Variants in NAA30 observed in about 807,000 individuals in gnomAD.
NAA30 encodes the protein N-alpha-acetyltransferase 30.
Under a neutral mutation model 31.4 loss-of-function variants are expected in NAA30, and 5 were observed. The ratio of observed to expected loss-of-function variants is 0.16; its 90% confidence interval spans 0.08 to 0.33. The LOEUF is 0.33. NAA30 is among the 10% of genes least tolerant of loss of function. NAA30 has a pLI of 1.00. For missense variants in NAA30, 428 were observed against 490.8 expected, an observed-to-expected ratio of 0.87 and a Z score of 1.21; for synonymous variants, 222 against 207.1, an observed-to-expected ratio of 1.07 and a Z score of -0.62.
rs751907254 is a variant in NAA30, at chr14:57,390,588, G to A, written c.-119G>A. On this transcript the variant is annotated 5_prime_UTR_variant, in exon 1 of 5. Transcript: ENST00000556492. The stretch of plus-strand genomic sequence containing the variant: ...CGGCCTAACAGCTGAGGCGCTTTAC[G>A]GCGACGGCGGCTGAGTGAGAACCTT... The A allele has an allele frequency of 3.7e-6, 1 of 271,520 alleles. No homozygotes were observed. Among genetic ancestry groups the A allele is most frequent in the Non-Finnish European group, 6.9e-6 (1 of 145,180 alleles). The allele number at this position is 271,520 out of a possible 1,614,324, so 16.8% of individuals were successfully genotyped here.
Position 57,391,828 on chromosome 14 carries a change from G to A in NAA30, c.771+100G>A. ...AATGTGGCAGTGGATATCTCCTGCT[G>A]CGTATCATAGTACGTTATATGATGT... is the stretch of plus-strand genomic sequence containing the variant. On this transcript the variant is annotated intron_variant, in intron 2 of 4. Coordinates refer to ENST00000556492, the MANE Select transcript of NAA30 (RefSeq NM_001011713.3). The surrounding 1 kb of genome is among the most constrained non-coding windows in gnomAD (Gnocchi z 4.1). 1.2e-6 allele frequency: 1 copy of A among 849,388 alleles called. No homozygotes were observed. Among genetic ancestry groups the A allele is most frequent in the Non-Finnish European group, 1.9e-6 (1 of 535,610 alleles). The allele number at this position is 849,388 out of a possible 1,614,324, so 52.6% of individuals were successfully genotyped here.
At chr14:57,401,932 T>C (rs2066479337) in intron 4 of NAA30, among the ~76,000 whole-genome samples, 1 of 152,230 alleles carries the variant, frequency 6.6e-6, no homozygotes, top group African/African-American at 2.4e-5. Context: ...TTTTTTCTTT[T>C]GAAACAATGA....
At position 57,391,231 on chromosome 14, in the gene NAA30, C is replaced by A. The variant is rs781062780; in HGVS notation, c.274C>A (p.Leu92Met). Reference protein sequence around the residue: ...QQLNGLISPELRHLRAAASLK... With the variant: ...QQLNGLISPEMRHLRAAASLK... The stretch of plus-strand genomic sequence containing the variant: ...GCTCAACGGATTGATTAGCCCCGAA[C>A]TGCGGCACCTCCGGGCGGCCGCCTC... Residue 92 changes from leucine to methionine, a missense_variant, in exon 2 of 5, where the codon CTG (leucine) becomes ATG (methionine). Around this residue, in one of 2 missense-constraint regions of NAA30, gnomAD observed 349 missense variants for 310.4 expected, o/e 1.12. Transcript: ENST00000556492. The surrounding 1 kb of genome is among the most constrained non-coding windows in gnomAD (Gnocchi z 4.1). The A allele has an allele frequency of 6.2e-7, 1 of 1,612,264 alleles. No individual in the cohort carries two copies. The highest frequency in any genetic ancestry group is 8.5e-7 in the Non-Finnish European group (1 of 1,179,860).
chr14:57,394,517 T>C (rs2066442795), intron 2 of NAA30, among the ~76,000 whole-genome samples: 1 of 152,144 alleles, frequency 6.6e-6, no homozygotes, highest in Admixed American at 6.5e-5. Context: ...AATTTAGTGA[T>C]TCCTGTAAAT....
In NAA30 at chr14:57,391,080, CGAG is replaced by C. The variant is rs2066424816; in HGVS notation, c.129_131del (p.Glu43del). 1 of 1,545,842 alleles carries C rather than the reference CGAG, an allele frequency of 6.5e-7. No homozygotes were observed. Among genetic ancestry groups the C allele is most frequent in the Non-Finnish European group, 8.7e-7 (1 of 1,150,248 alleles). On this transcript the variant is annotated inframe_deletion, in exon 2 of 5. Coordinates refer to ENST00000556492, the MANE Select transcript of NAA30 (RefSeq NM_001011713.3). The surrounding 1 kb of genome is among the most constrained non-coding windows in gnomAD (Gnocchi z 4.1). ...CCGCCCTCGCCTGCTGCAGCGAGGA[CGAG>C]GAGGACGACGAAGAGCACGAAGGCG...
chr14:57,396,762 G>A lies in NAA30; in HGVS notation c.782G>A (p.Gly261Glu). 6.2e-7 allele frequency: 1 copy of A among 1,614,062 alleles called. No individual in the cohort carries two copies. Among genetic ancestry groups the A allele is most frequent in the Non-Finnish European group, 8.5e-7 (1 of 1,179,916 alleles). Reference sequence around the variant, plus strand: ...TTGTTTATTTTTAAGGCCATGGTAGGGGAGGAGTGTGTAGGTGCCATCGTT... The same window carrying A: ...TTGTTTATTTTTAAGGCCATGGTAGAGGAGGAGTGTGTAGGTGCCATCGTT... Reference protein sequence around the residue: ...WPQLCFLAMVGEECVGAIVCK... With the variant: ...WPQLCFLAMVEEECVGAIVCK... Residue 261 changes from glycine to glutamate, a missense_variant, in exon 3 of 5, where the codon GGG becomes GAG. Coordinates refer to ENST00000556492, the MANE Select transcript of NAA30 (RefSeq NM_001011713.3).
In NAA30 at chr14:57,411,102, T is replaced by G. The variant is rs761630629; in HGVS notation, c.*1586T>G. 6.6e-6 allele frequency: 1 copy of G among 152,118 alleles called. No homozygotes were observed. The highest frequency in any genetic ancestry group is 1.5e-5 in the Non-Finnish European group (1 of 67,890). The allele number at this position is 152,118 out of a possible 1,614,324, so 9.4% of individuals were successfully genotyped here. On this transcript the variant is annotated 3_prime_UTR_variant, in exon 5 of 5. Coordinates refer to ENST00000556492, the MANE Select transcript of NAA30 (RefSeq NM_001011713.3). ...AAGGAAAGCTGCTCTTTGCTCAGTA[T>G]AGTGTTTTGAAAGTGAACATAGTAA...
rs2066530105 is a variant in NAA30 at position 57,412,978 on chromosome 14, A to G, written c.*3462A>G. The G allele has an allele frequency of 6.6e-6, 1 of 152,208 alleles. No individual in the cohort carries two copies. The highest frequency in any genetic ancestry group is 2.1e-4 in the South Asian group (1 of 4,834). 9.4% of individuals were successfully genotyped at this position (152,208 alleles called of 1,614,324 possible). The stretch of plus-strand genomic sequence containing the variant: ...TTTTCTAAAAGTACTCAGTCAACTC[A>G]TATGTCAGTTATCGGTACATTTTCC... On this transcript the variant is annotated 3_prime_UTR_variant, in exon 5 of 5. Transcript: ENST00000556492.
chr14:57,404,565 C>G (rs1374002264), intron 4 of NAA30, among the ~76,000 whole-genome samples: 2 of 152,132 alleles, frequency 1.3e-5, no homozygotes, highest in Non-Finnish European at 2.9e-5. Flanking sequence ...TCACTACCTA[C>G]CTTTCTAGCA....
In NAA30 at chr14:57,413,940, A is replaced by T. The variant is rs970227914; in HGVS notation, c.*4424A>T. The T allele has an allele frequency of 1.3e-5, 2 of 152,258 alleles. No individual in the cohort carries two copies. The highest frequency in any genetic ancestry group is 1.3e-4 in the Admixed American group (2 of 15,280). The allele number at this position is 152,258 out of a possible 1,614,324, so 9.4% of individuals were successfully genotyped here. On this transcript the variant is annotated 3_prime_UTR_variant, in exon 5 of 5. Transcript: ENST00000556492. Reference sequence around the variant, plus strand: ...CTTTTCACTCCCCAGTATGGTAGTTACTAGTCACATGTGTAGCTACTGAGC... The same window carrying T: ...CTTTTCACTCCCCAGTATGGTAGTTTCTAGTCACATGTGTAGCTACTGAGC...
Position 57,413,585 on chromosome 14 carries a change from G to A in NAA30, c.*4069G>A, listed in dbSNP as rs772457418. The A allele has an allele frequency of 2.0e-5, 3 of 152,236 alleles. No individual in the cohort carries two copies. The highest frequency in any genetic ancestry group is 4.4e-5 in the Non-Finnish European group (3 of 68,136). 9.4% of individuals were successfully genotyped at this position (152,236 alleles called of 1,614,324 possible). A position where few individuals can be genotyped will look rare whatever the true frequency, so the allele number is the denominator to read the frequency against. ...TGGCTCACTGCAACCTCTGCCCCCT[G>A]GGTTCAAGCAATTCTTGTGCCTTAG... On this transcript the variant is annotated 3_prime_UTR_variant, in exon 5 of 5. Transcript: ENST00000556492.
At chr14:57,394,870 A>G (rs562089991) in intron 2 of NAA30, among the ~76,000 whole-genome samples, 4 of 152,258 alleles carry the variant, frequency 2.6e-5, no homozygotes, top group African/African-American at 7.2e-5. Flanking sequence ...TGTATCATCA[A>G]TCTAATACAG....
chr14:57,395,911 A>T lies in NAA30; in HGVS notation c.772-841A>T, dbSNP rs542234825. Reference sequence around the variant, plus strand: ...AATTTTTTTTTCCTGATCGAAATCTACCATTCAGGTGTAAATATGTATTAT... The same window carrying T: ...AATTTTTTTTTCCTGATCGAAATCTTCCATTCAGGTGTAAATATGTATTAT... On this transcript the variant is annotated intron_variant, in intron 2 of 4. Transcript: ENST00000556492. Among the ~76,000 whole-genome samples, 17 of 152,212 alleles carry T rather than the reference A, an allele frequency of 1.1e-4. No individual in the cohort carries two copies. The South Asian group carries it at 3.3e-3, about 30-fold the overall frequency.
At chr14:57,395,633 A>G (rs996213275) in intron 2 of NAA30, among the ~76,000 whole-genome samples, 10 of 152,164 alleles carry the variant, frequency 6.6e-5, no homozygotes, top group African/African-American at 2.2e-4. Context: ...GGATGATTAG[A>G]ATTTAACATG....
chr14:57,398,703 A>T (rs1277420818), intron 3 of NAA30, among the ~76,000 whole-genome samples: 1 of 151,136 alleles, frequency 6.6e-6, no homozygotes, highest in Non-Finnish European at 1.5e-5. Context: ...CATGATCTCG[A>T]CTCACTGCAA....
intron 2 of NAA30, 42 bp from the exon 3 acceptor site, chr14:57,396,710 T>C: frequency 1.2e-6 from 2 of 1,611,072 alleles, no homozygotes; most frequent in Non-Finnish European, 1.7e-6. Context: ...GTGCAGTACC[T>C]GATGGCAATG....
At chr14:57,390,812 G>A (rs1200767100) in intron 1 of NAA30, 107 bp downstream of exon 1, 2 of 745,254 alleles carry the variant, frequency 2.7e-6, no homozygotes, top group Non-Finnish European at 3.9e-6. Flanking sequence ...GCGGGGGGGT[G>A]GCGGGGAATT....
Position 57,409,468 on chromosome 14 carries a change from C to T in NAA30, c.1041C>T (p.Tyr347=), listed in dbSNP as rs957863898. Residue 347 remains tyrosine, a synonymous_variant, in exon 5 of 5, where the codon TAC becomes TAT. Coordinates refer to ENST00000556492, the MANE Select transcript of NAA30 (RefSeq NM_001011713.3). ...TTCGAGATAAGAGGCTGTTCAGATA[C>T]TATTTAAATGGAGTTGATGCACTGC... ...GFVRDKRLFR[Y]YLNGVDALRL... 4 of 1,611,028 alleles carry T rather than the reference C, an allele frequency of 2.5e-6. No homozygotes were observed. The highest frequency in any genetic ancestry group is 2.5e-6 in the Non-Finnish European group (3 of 1,178,730).
intron 3 of NAA30, among the ~76,000 whole-genome samples, chr14:57,397,500 A>G (rs1219672040): frequency 1.3e-5 from 2 of 152,172 alleles, no homozygotes; most frequent in African/African-American, 4.8e-5. Flanking sequence ...CCTCACCCTG[A>G]GACTCTTGTT....
Sources: allele counts gnomAD v4.1 joint callset (sites outside exome capture counted in the v4.1 genomes callset), GRCh38; gene constraint gnomAD v4.1.1; regional missense constraint gnomAD v4.1.1; non-coding constraint Gnocchi (gnomAD v3.1); transcripts MANE v1.5; gene names NCBI Gene and HGNC (gene_info 2026-07-23, HGNC 2026-07-21).